The following ZNF3 variants were observed in gnomAD, a reference collection of about 807,000 sequenced individuals.
ZNF3 encodes zinc finger protein 3.
ZNF3 carries 16 observed loss-of-function variants against 36.9 expected under a neutral mutation model. The ratio of observed to expected loss-of-function variants is 0.43; its 90% confidence interval spans 0.29 to 0.66. The LOEUF (loss-of-function observed/expected upper bound fraction) is 0.66. Ranked by LOEUF, ZNF3 falls within the 30% of genes least tolerant of loss-of-function variation. The pLI, the probability that ZNF3 is intolerant of heterozygous loss-of-function variation, is 0.13. For synonymous variants in ZNF3, 201 were observed against 201.9 expected (o/e 1.00, Z 0.04); for missense variants, 462 against 543.1 (o/e 0.85, Z 1.48).
At chr7:100,072,495 T>G (rs939135873) in intron 5 of ZNF3, among the ~76,000 whole-genome samples, 5 of 152,094 alleles carry the variant, frequency 3.3e-5, no homozygotes, top group African/African-American at 4.8e-5. Context: ...GGGAACCAAC[T>G]TTAGAAGAGG....
chr7:100,064,204 T>G, exon 6 of ZNF3: 1 of 1,613,692 alleles, frequency 6.2e-7, no homozygotes, highest in Non-Finnish European at 8.5e-7. Flanking sequence ...TGACTGTAAG[T>G]GTGGAAAAGC....
chr7:100,074,263 A>G (rs559952749), intron 5 of ZNF3, among the ~76,000 whole-genome samples: 2 of 152,014 alleles, frequency 1.3e-5, no homozygotes, highest in African/African-American at 4.8e-5. Context: ...CGCTACTCTC[A>G]CCTCCACTTT....
At chr7:100,074,628 G>C (rs1174371612) in intron 5 of ZNF3, among the ~76,000 whole-genome samples, 1 of 152,188 alleles carries the variant, frequency 6.6e-6, no homozygotes, top group Non-Finnish European at 1.5e-5. Flanking sequence ...CTCAATTAAT[G>C]TGTTACTGTG....
Position 100,075,591 on chromosome 7 carries a change from C to G in ZNF3, c.95G>C (p.Ser32Thr). ...AGCCGCCAACATCTCATCCCCCAGG[C>G]TGTCCTTGTCGGAAAAGGCAGGAAC... is the stretch of plus-strand genomic sequence containing the variant. ...SKVPAFSDKD[S>T]LGDEMLAAAL... Residue 32 changes from serine (S) to threonine (T), a missense_variant, in exon 4 of 6, where the codon AGC becomes ACC. Transcript: ENST00000299667. 1 of 1,614,160 alleles carries G rather than the reference C, an allele frequency of 6.2e-7. No homozygotes were observed. The highest frequency in any genetic ancestry group is 1.1e-5 in the South Asian group (1 of 91,086).
At chr7:100,066,904 G>A (rs549864629), downstream of ZNF3, among the ~76,000 whole-genome samples, 2 of 152,090 alleles carry the variant, frequency 1.3e-5, no homozygotes, top group African/African-American at 2.4e-5. Flanking sequence ...GTGTGGTGGC[G>A]TGCGCCTGTA....
Position 100,072,022 on chromosome 7 carries a change from A to G in ZNF3, c.462T>C (p.Asp154=), listed in dbSNP as rs1311732880. Residue 154 remains aspartate (D), a synonymous_variant, in exon 6 of 6, where the codon GAT becomes GAC. Coordinates refer to ENST00000299667, the MANE Select transcript of ZNF3 (RefSeq NM_032924.5). The part of the protein sequence containing the change: ...PGERLNRKMP[D]FGQVTVEEKL... ...TCTCCTCAACTGTCACTTGACCAAA[A>G]TCTGGCATTTTCCTGTTCAGTCTTT... 2.5e-6 allele frequency: 4 copies of G among 1,613,864 alleles called. No homozygotes were observed. Among genetic ancestry groups the G allele is most frequent in the African/African-American group, 1.3e-5 (1 of 74,904 alleles).
In ZNF3 at chr7:100,071,489, C is replaced by T. The variant is rs988590232; in HGVS notation, c.995G>A (p.Arg332Lys). Residue 332 changes from arginine to lysine, a missense_variant, in exon 6 of 6, where the codon AGA becomes AAA. By Grantham distance (26) the Arg-to-Lys change is conservative. Transcript: ENST00000299667. The stretch of plus-strand genomic sequence containing the variant: ...ATAGGGTTTTTCTCCAGTGTGGATT[C>T]TCTGATGGTGAATAAGGGTTGAGCT... ...SRSSTLIHHQRIHTGEKPYEC... is the reference protein window; with the variant it reads ...SRSSTLIHHQKIHTGEKPYEC... 1 of 1,614,078 alleles carries T rather than the reference C, an allele frequency of 6.2e-7. No individual in the cohort carries two copies. Among genetic ancestry groups the T allele is most frequent in the Admixed American group, 1.7e-5 (1 of 59,998 alleles).
chr7:100,064,197 CTG>C (rs757550630), exon 6 of ZNF3: 21 of 1,613,998 alleles, frequency 1.3e-5, no homozygotes, highest in African/African-American at 4.0e-5. Flanking sequence ...GGCCCTATGA[CTG>C]TAAGTGTGGA....
In ZNF3 at chr7:100,078,308, A is replaced by T. The variant is rs567471556; in HGVS notation, c.-76-875T>A. ...TCAGGAGTTCGAGACCAGCCTGGCC[A>T]GGATGATGAAACCCCATCTCTACTA... is the stretch of plus-strand genomic sequence containing the variant. On this transcript the variant is annotated intron_variant, in intron 2 of 5. Coordinates refer to ENST00000299667, the MANE Select transcript of ZNF3 (RefSeq NM_032924.5). 5.3e-5 allele frequency among the ~76,000 whole-genome samples: 8 copies of T among 151,450 alleles called. No homozygotes were observed. The East Asian group carries it at 1.6e-3, about 30-fold the overall frequency.
rs1384007932 is a variant in ZNF3 at position 100,070,219 on chromosome 7, T to A, written c.*924A>T. ...CTCTTTCTCTGCATTAATCTTCAGC[T>A]GCTGAAGAGTCAGAGGTGGAGGCAG... On this transcript the variant is annotated 3_prime_UTR_variant, in exon 6 of 6. Coordinates refer to ENST00000299667, the MANE Select transcript of ZNF3 (RefSeq NM_032924.5). 1 of 985,226 alleles carries A rather than the reference T, an allele frequency of 1.0e-6. No homozygotes were observed. Among genetic ancestry groups the A allele is most frequent in the African/African-American group, 1.7e-5 (1 of 57,204 alleles). 61.0% of individuals were successfully genotyped at this position (985,226 alleles called of 1,614,324 possible).
Position 100,072,052 on chromosome 7 carries a change from A to G in ZNF3, c.432T>C (p.Pro144=). 6.2e-7 allele frequency: 1 copy of G among 1,614,204 alleles called. No homozygotes were observed. Among genetic ancestry groups the G allele is most frequent in the Non-Finnish European group, 8.5e-7 (1 of 1,180,038 alleles). The change falls in exon 6 of 6, where the codon CCT becomes CCC. Residue 144 remains proline, a synonymous_variant. Transcript: ENST00000299667. The part of the protein sequence containing the change: ...VSLKRPLGNS[P]GERLNRKMPD... ...GCATTTTCCTGTTCAGTCTTTCTCC[A>G]GGGGAGTTCCCCAGCGGCCTTTTCA... is the stretch of plus-strand genomic sequence containing the variant.
chr7:100,078,416 A>G (rs1028655518), intron 2 of ZNF3, among the ~76,000 whole-genome samples: 14 of 151,226 alleles, frequency 9.3e-5, no homozygotes, highest in African/African-American at 3.4e-4. Flanking sequence ...GAATCACTTG[A>G]TCCCAGGAGG....
chr7:100,065,050 A>G (rs1243902201), downstream of ZNF3: 13 of 1,078,728 alleles, frequency 1.2e-5, no homozygotes, highest in East Asian at 3.4e-4. Flanking sequence ...ATGCCTCAGG[A>G]CTATTATTAT....
Position 100,070,285 on chromosome 7 carries a change from G to GGCAGGGCAA in ZNF3, c.*849_*857dup. On this transcript the variant is annotated 3_prime_UTR_variant, in exon 6 of 6. Transcript: ENST00000299667. ...TGGGGCTGGGTGTCAGAGGTGAGAGGGCAGGGCAAGCAGGCCAAGTGAGCT... is the reference window on the plus strand; with the variant it reads ...TGGGGCTGGGTGTCAGAGGTGAGAGGGCAGGGCAAGCAGGGCAAGCAGGCCAAGTGAGCT... 1.0e-6 allele frequency: 1 copy of GGCAGGGCAA among 985,634 alleles called. No individual in the cohort carries two copies. Among genetic ancestry groups the GGCAGGGCAA allele is most frequent in the Non-Finnish European group, 1.2e-6 (1 of 830,100 alleles). 61.1% of individuals were successfully genotyped at this position (985,634 alleles called of 1,614,324 possible). A position where few individuals can be genotyped will look rare whatever the true frequency, so the allele number is the denominator to read the frequency against.
downstream of ZNF3, among the ~76,000 whole-genome samples, chr7:100,067,320 C>A (rs1405003486): frequency 6.6e-6 from 1 of 152,184 alleles, no homozygotes; most frequent in Non-Finnish European, 1.5e-5. Context: ...GTTCTCAGAT[C>A]TCGTGTAAGA....
At chr7:100,063,854 T>C (rs1792475740), downstream of ZNF3, 2 of 1,614,046 alleles carry the variant, frequency 1.2e-6, no homozygotes, top group Non-Finnish European at 1.7e-6. Context: ...GCAGAGGGGC[T>C]CAAAGGGGAT....
At position 100,071,193 on chromosome 7, in the gene ZNF3, T is replaced by C. The variant is rs763687461; in HGVS notation, c.1291A>G (p.Lys431Glu). 1 of 1,611,196 alleles carries C rather than the reference T, an allele frequency of 6.2e-7. No individual in the cohort carries two copies. The highest frequency in any genetic ancestry group is 8.5e-7 in the Non-Finnish European group (1 of 1,178,240). ...TCGGTCGTAACTCTGAGGGAGCTTT[T>C]GCTCATGCCGATCCCATTCAAAGGC... ...EKPLNGIGMS[K>E]SSLRVTTELN... The change falls in exon 6 of 6, where the codon AAA becomes GAA. Residue 431 changes from lysine to glutamate, a missense_variant. Coordinates refer to ENST00000299667, the MANE Select transcript of ZNF3 (RefSeq NM_032924.5).
Position 100,064,971 on chromosome 7 carries a change from AT to A in ZNF3, c.272-60del. 2.5e-6 allele frequency: 4 copies of A among 1,597,734 alleles called. No individual in the cohort carries two copies. In the South Asian group the frequency reaches 4.5e-5, roughly 18 times the overall value. The stretch of plus-strand genomic sequence containing the variant: ...TTTTAACATATATTCAAGAATTTTA[AT>A]TTGTAAAGAATTGAGCCACATTGAA... On this transcript the variant is annotated intron_variant, in intron 5 of 5. Coordinates refer to the ZNF3 transcript ENST00000413658.
chr7:100,080,060 T>C (rs145937263), intron 1 of ZNF3, among the ~76,000 whole-genome samples: 80 of 152,222 alleles, frequency 5.3e-4, no homozygotes, highest in African/African-American at 1.8e-3. Flanking sequence ...GAATACTTAT[T>C]ATATGCTAAT....
Sources: allele counts gnomAD v4.1 joint callset (sites outside exome capture counted in the v4.1 genomes callset), GRCh38; gene constraint gnomAD v4.1.1; transcripts MANE v1.5; gene names NCBI Gene and HGNC (gene_info 2026-07-23, HGNC 2026-07-21).